The following NDUFA10 variants were observed in gnomAD, a reference collection of about 807,000 sequenced individuals.
The protein encoded by NDUFA10 is NADH:ubiquinone oxidoreductase subunit A10.
A neutral mutation model predicts 47.8 loss-of-function variants in NDUFA10; 40 were observed. The ratio of observed to expected loss-of-function variants is 0.84; its 90% CI spans 0.65 to 1.09. The LOEUF (loss-of-function observed/expected upper bound fraction) is 1.09, where lower values mean the gene tolerates loss of function less well. NDUFA10 is among the 50% of genes least tolerant of loss of function. The pLI, the probability that NDUFA10 is intolerant of heterozygous loss-of-function variation, is 0.00. For synonymous variants in NDUFA10, 183 were observed against 172.2 expected, an observed-to-expected ratio of 1.06 and a Z score of -0.49; for missense variants, 413 against 451.1, an observed-to-expected ratio of 0.92 and a Z score of 0.76.
Position 239,947,000 on chromosome 2 carries a change from G to A in NDUFA10, c.294+43074C>T, listed in dbSNP as rs145877648. Among the ~76,000 whole-genome samples, 77 of 152,348 alleles carry A rather than the reference G, an allele frequency of 5.1e-4. No individual in the cohort carries two copies. In the South Asian group the frequency reaches 0.015, roughly 30 times the overall value. Reference sequence around the variant, plus strand: ...AGTGCCAGGGCAGTGTCCAGGAGACGGATGCCCAGCCCATGGTGGTGGGTG... The same window carrying A: ...AGTGCCAGGGCAGTGTCCAGGAGACAGATGCCCAGCCCATGGTGGTGGGTG... On this transcript the variant is annotated intron_variant, in intron 4 of 5. Transcript: ENST00000419408.
chr2:239,971,246 G>GA (rs1559335518), intron 9 of NDUFA10, among the ~76,000 whole-genome samples: 1 of 152,206 alleles, frequency 6.6e-6, no homozygotes, highest in Non-Finnish European at 1.5e-5. Context: ...GAAAGCCAAA[G>GA]AAACCTCCTG....
chr2:239,998,501 G>T (rs1288734535), intron 8 of NDUFA10, among the ~76,000 whole-genome samples: 2 of 151,452 alleles, frequency 1.3e-5, no homozygotes, highest in African/African-American at 4.8e-5. Context: ...GCTGTCTGTG[G>T]CAGGGCCTCC....
chr2:239,966,404 G>T (rs561464845), intron 9 of NDUFA10, among the ~76,000 whole-genome samples: 2 of 152,290 alleles, frequency 1.3e-5, no homozygotes, highest in South Asian at 4.1e-4. Flanking sequence ...AATGACACAT[G>T]AGGGTGTGCA....
At chr2:239,985,652 G>A (rs755307577) in intron 9 of NDUFA10, among the ~76,000 whole-genome samples, 9 of 152,088 alleles carry the variant, frequency 5.9e-5, no homozygotes, top group Admixed American at 2.0e-4. Context: ...TGGCAAGAGC[G>A]ATACAGACAC....
At chr2:239,915,584 A>G (rs1401655802) in intron 4 of NDUFA10, among the ~76,000 whole-genome samples, 2 of 150,670 alleles carry the variant, frequency 1.3e-5, no homozygotes, top group Admixed American at 6.6e-5. Context: ...ACAGACACAC[A>G]CACAGAGATA....
intron 8 of NDUFA10, among the ~76,000 whole-genome samples, chr2:240,003,594 C>T (rs1415042312): frequency 6.6e-6 from 1 of 152,220 alleles, no homozygotes; most frequent in African/African-American, 2.4e-5. Flanking sequence ...CAAATTACTC[C>T]AATCTTGATT....
intron 4 of NDUFA10, among the ~76,000 whole-genome samples, chr2:239,899,626 C>T (rs1478452128): frequency 6.6e-6 from 1 of 152,002 alleles, no homozygotes; most frequent in Non-Finnish European, 1.5e-5. Context: ...TCCAACTCAA[C>T]AAAGTCAGTT....
intron 4 of NDUFA10, among the ~76,000 whole-genome samples, chr2:239,933,681 G>A (rs538388035): frequency 6.6e-6 from 1 of 152,144 alleles, no homozygotes; most frequent in African/African-American, 2.4e-5. Flanking sequence ...CCCTGTGTGT[G>A]AAAATGCTTT....
chr2:240,006,369 C>A lies in NDUFA10; in HGVS notation c.804+947G>T, dbSNP rs191979205. Among the ~76,000 whole-genome samples the A allele has an allele frequency of 1.5e-3, 225 of 152,274 alleles. 2 individuals carry two copies. The highest frequency in any genetic ancestry group is 5.2e-3 in the African/African-American group (215 of 41,540). ...GGAGAGCCTGGGCGAGAATGCAGGGCTTCCCTCTGCAAGGAGAATGCTACT... is the reference window on the plus strand; with the variant it reads ...GGAGAGCCTGGGCGAGAATGCAGGGATTCCCTCTGCAAGGAGAATGCTACT... On this transcript the variant is annotated intron_variant, in intron 7 of 9. Transcript: ENST00000252711.
At chr2:239,951,813 G>A (rs571236838) in intron 4 of NDUFA10, among the ~76,000 whole-genome samples, 1 of 152,382 alleles carries the variant, frequency 6.6e-6, no homozygotes, top group Non-Finnish European at 1.5e-5. Flanking sequence ...GGGGTTCCCA[G>A]GCCTGGTCCC....
chr2:239,931,111 T>C (rs1052327117), intron 4 of NDUFA10, among the ~76,000 whole-genome samples: 4 of 152,178 alleles, frequency 2.6e-5, no homozygotes, highest in Non-Finnish European at 5.9e-5. Flanking sequence ...TCTGGTCCCA[T>C]TGGCTTTTCC....
At chr2:239,919,992 G>T (rs1486615958) in intron 4 of NDUFA10, among the ~76,000 whole-genome samples, 1 of 152,134 alleles carries the variant, frequency 6.6e-6, no homozygotes, top group South Asian at 2.1e-4. Flanking sequence ...TACTGTGTGT[G>T]CCCCAGCACC....
intron 8 of NDUFA10, among the ~76,000 whole-genome samples, chr2:239,992,548 A>G (rs924790996): frequency 2.0e-5 from 3 of 152,182 alleles, no homozygotes; most frequent in Non-Finnish European, 1.5e-5. Flanking sequence ...CTGAAATTTC[A>G]TGTTAAAAAG....
chr2:239,922,173 G>A (rs1694001570), intron 4 of NDUFA10, among the ~76,000 whole-genome samples: 1 of 151,352 alleles, frequency 6.6e-6, no homozygotes, highest in African/African-American at 2.4e-5. Context: ...CTACCTTGCT[G>A]CTAAATGTCC....
At chr2:239,914,988 A>G (rs1254832590) in intron 4 of NDUFA10, among the ~76,000 whole-genome samples, 1 of 149,192 alleles carries the variant, frequency 6.7e-6, no homozygotes, top group Non-Finnish European at 1.5e-5. Flanking sequence ...AGACACACAC[A>G]AATATATAGA....
In NDUFA10 at chr2:240,014,842, T is replaced by G. The variant is rs1480963479; in HGVS notation, c.566A>C (p.Glu189Ala). The change falls in exon 5 of 10, where the codon GAG becomes GCG. Residue 189 changes from glutamate (E) to alanine (A), a missense_variant. Physicochemically the swap from Glu to Ala is moderately radical, Grantham distance 107. Transcript: ENST00000252711. The part of the protein sequence containing the change: ...IRKQCVDHYN[E>A]VKSVTICDYL... Reference sequence around the variant, plus strand: ...ATCGCAGATGGTGACGCTCTTCACCTCGTTGTAGTGGTCCACACCTGGCAC... The same window carrying G: ...ATCGCAGATGGTGACGCTCTTCACCGCGTTGTAGTGGTCCACACCTGGCAC... 6.2e-7 allele frequency: 1 copy of G among 1,614,100 alleles called. No individual in the cohort carries two copies.
intron 4 of NDUFA10, among the ~76,000 whole-genome samples, chr2:239,899,395 G>GGGGTGTGGTGGAA (rs1693493971): frequency 1.2e-5 from 1 of 85,458 alleles, no homozygotes; most frequent in African/African-American, 4.1e-5. Context: ...GTGTGGTGGA[G>GGGGTGTGGTGGAA]AGGTATGATG....
intron 4 of NDUFA10, among the ~76,000 whole-genome samples, chr2:239,936,452 C>T (rs889107275): frequency 2.6e-5 from 4 of 152,320 alleles, no homozygotes; most frequent in African/African-American, 4.8e-5. Flanking sequence ...TGTCATTATG[C>T]GTTTGCTGAA....
chr2:239,987,917 T>C lies in NDUFA10; in HGVS notation c.999+2157A>G, dbSNP rs1322611724. 6.6e-6 allele frequency among the ~76,000 whole-genome samples: 1 copy of C among 152,064 alleles called. No homozygotes were observed. Among genetic ancestry groups the C allele is most frequent in the Non-Finnish European group, 1.5e-5 (1 of 68,024 alleles). On this transcript the variant is annotated intron_variant, in intron 9 of 9. Transcript: ENST00000252711. The surrounding 1 kb of genome is among the most constrained non-coding windows in gnomAD (Gnocchi z 4.8). ...AAACCAAAGATAAATATTTTAATTATCAGTTTAGTAACAAAAAGCTATTAA... is the reference window on the plus strand; with the variant it reads ...AAACCAAAGATAAATATTTTAATTACCAGTTTAGTAACAAAAAGCTATTAA...
Sources: gnomAD v4.1 joint callset for allele counts (sites outside exome capture counted in the v4.1 genomes callset) on GRCh38, gnomAD v4.1.1 for gene constraint, Gnocchi (gnomAD v3.1) non-coding constraint, MANE v1.5 for transcripts, NCBI Gene and HGNC (gene_info 2026-07-23, HGNC 2026-07-21) for gene names.